The following UBXN1 variants were observed in gnomAD, a reference collection of about 807,000 sequenced individuals.
UBXN1 encodes UBX domain-containing protein 1.
UBXN1 carries 21 observed loss-of-function variants against 42.0 expected under a neutral mutation model. The ratio of observed to expected loss-of-function variants is 0.50; its 90% CI spans 0.35 to 0.72. The LOEUF is 0.72. UBXN1 is among the 30% of genes least tolerant of loss of function. UBXN1 has a pLI of 0.00. For synonymous variants in UBXN1, 172 were observed against 142.6 expected, an observed-to-expected ratio of 1.21 and a Z score of -1.47; for missense variants, 374 against 382.2, an observed-to-expected ratio of 0.98 and a Z score of 0.18.
At position 62,678,735 on chromosome 11, in the gene UBXN1, G is replaced by A. The variant is rs1451531194; in HGVS notation, c.68C>T (p.Ala23Val). ...GCCCTGGTTCCCTGTGAGGGCCAGA[G>A]CCTTCTCCCTGGGGGCAGAAACACC... ...MGFPRGRAEKALALTGNQGIE... is the reference protein window; with the variant it reads ...MGFPRGRAEKVLALTGNQGIE... Residue 23 changes from alanine to valine, a missense_variant, in exon 2 of 9, where the codon GCT becomes GTT. Ala to Val is a moderately conservative substitution (Grantham distance 64). Coordinates refer to ENST00000301935, the MANE Select transcript of UBXN1 (RefSeq NM_001286077.2). 2 of 1,613,196 alleles carry A rather than the reference G, an allele frequency of 1.2e-6. No individual in the cohort carries two copies. Among genetic ancestry groups the A allele is most frequent in the Non-Finnish European group, 1.7e-6 (2 of 1,179,952 alleles).
chr11:62,678,802 C>G lies in UBXN1; in HGVS notation c.60-59G>C, dbSNP rs535812038. On this transcript the variant is annotated intron_variant, in intron 1 of 8. Transcript: ENST00000301935. Reference sequence around the variant, plus strand: ...AGCCATGGTGACGGTCAGGCTGGGGCAAAGGCCGAGACAGGTCCGCGACCC... The same window carrying G: ...AGCCATGGTGACGGTCAGGCTGGGGGAAAGGCCGAGACAGGTCCGCGACCC... 5.0e-6 allele frequency: 8 copies of G among 1,611,474 alleles called. No homozygotes were observed. The South Asian group carries it at 7.7e-5, about 16-fold the overall frequency.
At chr11:62,677,687 A>G (rs1402392681) in intron 6 of UBXN1, 53 bp from the exon 7 acceptor site, 1 of 1,612,720 alleles carries the variant, frequency 6.2e-7, no homozygotes, top group African/African-American at 1.3e-5. Flanking sequence ...CTCAGGTGAA[A>G]CAGATCATAT....
chr11:62,678,390 C>T lies in UBXN1; in HGVS notation c.239G>A (p.Gly80Glu), dbSNP rs1318086465. Residue 80 changes from glycine to glutamate, a missense_variant, in exon 4 of 9, where the codon GGA (glycine) becomes GAA (glutamate). Transcript: ENST00000301935. ...TTCACTCAAAGCGGGTTTGCCTTCT[C>T]CGGCAGCAGAACCAGATCCTACAAA... Reference protein sequence around the residue: ...GGLEGSGSAAGEGKPALSEEE... With the variant: ...GGLEGSGSAAEEGKPALSEEE... 1 of 1,614,166 alleles carries T rather than the reference C, an allele frequency of 6.2e-7. No homozygotes were observed. Among genetic ancestry groups the T allele is most frequent in the Non-Finnish European group, 8.5e-7 (1 of 1,180,032 alleles).
Position 62,678,092 on chromosome 11 carries a change from T to C in UBXN1, c.317A>G (p.Gln106Arg). Residue 106 changes from glutamine (Q) to arginine (R), a missense_variant, in exon 5 of 9, where the codon CAG (glutamine) becomes CGG (arginine). Gln to Arg is a conservative substitution (Grantham distance 43, BLOSUM62 1). Transcript: ENST00000301935. The stretch of plus-strand genomic sequence containing the variant: ...TTCCTCTCTTTCTTCACGCTCCCGC[T>C]GCTTCTGGGCCACCAGCTCCAACAT... Reference protein sequence around the residue: ...KRMLELVAQKQREREEREERE... With the variant: ...KRMLELVAQKRREREEREERE... 6.2e-7 allele frequency: 1 copy of C among 1,614,180 alleles called. No individual in the cohort carries two copies. Among genetic ancestry groups the C allele is most frequent in the Non-Finnish European group, 8.5e-7 (1 of 1,180,026 alleles).
chr11:62,677,624 C>T lies in UBXN1; in HGVS notation c.545G>A (p.Ser182Asn), dbSNP rs1006738817. The T allele has an allele frequency of 2.5e-6, 4 of 1,612,422 alleles. No homozygotes were observed. The highest frequency in any genetic ancestry group is 1.1e-5 in the South Asian group (1 of 90,896). Reference protein sequence around the residue: ...KAERAKKYGGSVGSQPPPVAP... With the variant: ...KAERAKKYGGNVGSQPPPVAP... ...CACTGGGGGTGGCTGAGAGCCCACA[C>T]TGCCACCATACTAAAGGGCAAAGTA... Residue 182 changes from serine (S) to asparagine (N), a missense_variant, in exon 7 of 9, where the codon AGT becomes AAT. Coordinates refer to ENST00000301935, the MANE Select transcript of UBXN1 (RefSeq NM_001286077.2).
chr11:62,677,032 T>C (rs1488190539), intron 7 of UBXN1, 27 bp from the exon 8 acceptor site: 14 of 1,588,424 alleles, frequency 8.8e-6, no homozygotes, highest in African/African-American at 1.3e-5. Context: ...ATACTCAGTA[T>C]TGTGGGCATC....
chr11:62,676,788 C>T lies in UBXN1; in HGVS notation c.844+25G>A. The T allele has an allele frequency of 2.5e-6, 4 of 1,614,174 alleles. No individual in the cohort carries two copies. The South Asian group carries it at 4.4e-5, about 18-fold the overall frequency. On this transcript the variant is annotated intron_variant, in intron 8 of 8. Transcript: ENST00000301935. ...CTCCCTACTCCCCCAGTTTCTAGTC[C>T]TGGTTTCTAGTCTTGCAGCCATACC...
intron 2 of UBXN1, 36 bp from the exon 3 acceptor site, chr11:62,678,637 G>A (rs746530793): frequency 1.2e-6 from 2 of 1,612,508 alleles, no homozygotes; most frequent in South Asian, 1.1e-5. Flanking sequence ...TTAGCTTTGA[G>A]GCTGCCCCTC....
Position 62,678,679 on chromosome 11 carries a change from C to G in UBXN1, c.113+11G>C, listed in dbSNP as rs201705756. ...GCCCCCAATTCTCCGCCACCCGGGACGAGCGCTTACCAGTCCATCGCAGCC... is the reference window on the plus strand; with the variant it reads ...GCCCCCAATTCTCCGCCACCCGGGAGGAGCGCTTACCAGTCCATCGCAGCC... On this transcript the variant is annotated intron_variant, in intron 2 of 8. Coordinates refer to ENST00000301935, the MANE Select transcript of UBXN1 (RefSeq NM_001286077.2). 460 of 1,611,078 alleles carry G rather than the reference C, an allele frequency of 2.9e-4. 1 individual carries two copies. In the African/African-American group the frequency reaches 5.6e-3, roughly 20 times the overall value.
rs1433286324 is a variant in UBXN1 at position 62,678,556 on chromosome 11, C to T, written c.159G>A (p.Glu53=). 1 of 1,611,604 alleles carries T rather than the reference C, an allele frequency of 6.2e-7. No individual in the cohort carries two copies. Among genetic ancestry groups the T allele is most frequent in the Admixed American group, 1.7e-5 (1 of 59,760 alleles). ...GTCCCAGGATATGTCCAAGGGGAGT[C>T]TCTAAAGGCTCGTCCACATCGGGGT... ...EDDPDVDEPL[E]TPLGHILGRE... is the part of the protein sequence containing the mutation. Residue 53 remains glutamate, a synonymous_variant, in exon 3 of 9, where the codon GAG becomes GAA. Coordinates refer to ENST00000301935, the MANE Select transcript of UBXN1 (RefSeq NM_001286077.2).
chr11:62,676,671 A>G lies in UBXN1; in HGVS notation c.845-32T>C, dbSNP rs571665488. The G allele has an allele frequency of 1.9e-5, 31 of 1,614,162 alleles. 2 individuals carry two copies. The South Asian group carries it at 3.1e-4, about 16-fold the overall frequency. On this transcript the variant is annotated intron_variant, in intron 8 of 8. Coordinates refer to ENST00000301935, the MANE Select transcript of UBXN1 (RefSeq NM_001286077.2). ...ATGGAAGAAAACAGGCTTGAACCAC[A>G]AGGATACTTGGTTTTTGCTCCCAAA...
In UBXN1 at chr11:62,677,018, G is replaced by A; in HGVS notation, c.652-13C>T. The A allele has an allele frequency of 6.2e-7, 1 of 1,603,818 alleles. No individual in the cohort carries two copies. The highest frequency in any genetic ancestry group is 8.5e-7 in the Non-Finnish European group (1 of 1,177,992). On this transcript the variant is annotated splice_polypyrimidine_tract_variant and intron_variant, in intron 7 of 8. Transcript: ENST00000301935. ...CTGGCAGCCTGACCTAAAGGGCAAGGGAGATACTCAGTATTGTGGGCATCA... is the reference window on the plus strand; with the variant it reads ...CTGGCAGCCTGACCTAAAGGGCAAGAGAGATACTCAGTATTGTGGGCATCA...
intron 7 of UBXN1, 58 bp from the exon 8 acceptor site, chr11:62,677,063 A>C: frequency 1.3e-6 from 2 of 1,542,738 alleles, no homozygotes; most frequent in African/African-American, 1.4e-5. Flanking sequence ...GAGGTGCCCA[A>C]GTAAGGAAAA....
Position 62,678,511 on chromosome 11 carries a change from C to A in UBXN1, c.204G>T (p.Glu68Asp). The change falls in exon 3 of 9, where the codon GAG becomes GAT. Residue 68 changes from glutamate to aspartate, a missense_variant. Coordinates refer to ENST00000301935, the MANE Select transcript of UBXN1 (RefSeq NM_001286077.2). The stretch of plus-strand genomic sequence containing the variant: ...AGTCAGGACCTTCAAGGCCGCCTTG[C>A]TCTGAGGAAGTGGGCTCCCGTCCCA... ...HILGREPTSSEQGGLEGSGSA... is the reference protein window; with the variant it reads ...HILGREPTSSDQGGLEGSGSA... The A allele has an allele frequency of 6.2e-7, 1 of 1,611,936 alleles. No homozygotes were observed. Among genetic ancestry groups the A allele is most frequent in the Non-Finnish European group, 8.5e-7 (1 of 1,178,904 alleles).
At chr11:62,677,047 C>T (rs1945030928) in intron 7 of UBXN1, 42 bp from the exon 8 acceptor site, 1 of 1,571,506 alleles carries the variant, frequency 6.4e-7, no homozygotes, top group Non-Finnish European at 8.6e-7. Flanking sequence ...GGCATCAAAA[C>T]TGAATGAGGT....
At chr11:62,678,797 T>TG (rs1554981336) in intron 1 of UBXN1, 54 bp from the exon 2 acceptor site, 5 of 1,612,062 alleles carry the variant, frequency 3.1e-6, no homozygotes, top group Admixed American at 3.3e-5. Flanking sequence ...ACGGTCAGGC[T>TG]GGGGCAAAGG....
rs768460564 is a variant in UBXN1, at chr11:62,677,848, G to T, written c.483-16C>A. On this transcript the variant is annotated splice_polypyrimidine_tract_variant and intron_variant, in intron 5 of 8. Transcript: ENST00000301935. ...AACTCTTTGTCTGAAATGTAGACAA[G>T]AAGAAATTAGGTCAGACATCAACAA... The T allele has an allele frequency of 6.2e-7, 1 of 1,614,004 alleles. No homozygotes were observed. The highest frequency in any genetic ancestry group is 8.5e-7 in the Non-Finnish European group (1 of 1,180,046).
intron 4 of UBXN1, 51 bp downstream of exon 4, chr11:62,678,287 TG>T (rs758064181): frequency 1.2e-6 from 2 of 1,612,016 alleles, no homozygotes; most frequent in East Asian, 2.2e-5. Flanking sequence ...AGACGTGTAC[TG>T]GGGAGAGATG....
Position 62,678,344 on chromosome 11 carries a change from A to T in UBXN1, c.285T>A (p.Thr95=), listed in dbSNP as rs777128896. The part of the protein sequence containing the change: ...ALSEEERQEQ[T]KRMLELVAQK... ...TGAGATTGTTGTTACTGTACCTCTT[A>T]GTTTGTTCCTGTCTTTCCTCTTCAC... Residue 95 remains threonine, a synonymous_variant, in exon 4 of 9, where the codon ACT becomes ACA. Coordinates refer to ENST00000301935, the MANE Select transcript of UBXN1 (RefSeq NM_001286077.2). The T allele has an allele frequency of 1.2e-6, 2 of 1,614,166 alleles. No individual in the cohort carries two copies. Among genetic ancestry groups the T allele is most frequent in the African/African-American group, 2.7e-5 (2 of 75,044 alleles).
Sources: allele counts gnomAD v4.1 joint callset, GRCh38; gene constraint gnomAD v4.1.1; transcripts MANE v1.5; gene names NCBI Gene and HGNC (gene_info 2026-07-23, HGNC 2026-07-21).